The following GRM5 variants were observed in gnomAD, a reference collection of about 807,000 sequenced individuals.
GRM5 encodes the protein metabotropic glutamate receptor 5.
A neutral mutation model predicts 83.1 loss-of-function variants in GRM5; 19 were observed. The observed-to-expected ratio is 0.23, with a 90% CI of 0.16 to 0.34. The LOEUF (loss-of-function observed/expected upper bound fraction) is 0.34. Among genes scored for constraint, GRM5 ranks in the 10% least tolerant of loss-of-function variants. The pLI is 1.00. For synonymous variants in GRM5, 675 were observed against 633.6 expected (o/e 1.07, Z -0.98); for missense variants, 1,160 against 1,588.3 (o/e 0.73, Z 4.58).
chr11:89,020,008 A>G (rs574702834), intron 2 of GRM5, among the ~76,000 whole-genome samples: 1 of 152,264 alleles, frequency 6.6e-6, no homozygotes, highest in South Asian at 2.1e-4. Context: ...ACAGTGCAAA[A>G]TCTGGGCAGG....
At chr11:89,053,773 G>A (rs1473392900) in intron 1 of GRM5, among the ~76,000 whole-genome samples, 1 of 151,696 alleles carries the variant, frequency 6.6e-6, no homozygotes, top group Non-Finnish European at 1.5e-5. Flanking sequence ...AGCATAAACT[G>A]AAAAAATAAC....
chr11:88,986,505 A>G (rs763010782), intron 2 of GRM5, among the ~76,000 whole-genome samples: 47 of 151,950 alleles, frequency 3.1e-4, no homozygotes, highest in Non-Finnish European at 5.6e-4. Flanking sequence ...AGTCTTTGGG[A>G]AAAAATGTTT....
chr11:88,618,278 C>A (rs537933098), intron 4 of GRM5, among the ~76,000 whole-genome samples: 2 of 152,224 alleles, frequency 1.3e-5, no homozygotes, highest in African/African-American at 4.8e-5. Flanking sequence ...TTTGAAACGT[C>A]CAGAATATGG....
At chr11:88,565,231 A>G (rs1352253725) in intron 8 of GRM5, among the ~76,000 whole-genome samples, 1 of 152,256 alleles carries the variant, frequency 6.6e-6, no homozygotes, top group African/African-American at 2.4e-5. Flanking sequence ...CTCCAGCACT[A>G]TACTGTGCTA....
chr11:88,785,756 A>C (rs1943056934), intron 3 of GRM5, among the ~76,000 whole-genome samples: 1 of 152,096 alleles, frequency 6.6e-6, no homozygotes. Flanking sequence ...CTATAATTAA[A>C]GAAGTTAAGA....
intron 2 of GRM5, among the ~76,000 whole-genome samples, chr11:88,927,749 A>T (rs1945814618): frequency 6.6e-6 from 1 of 152,042 alleles, no homozygotes; most frequent in Non-Finnish European, 1.5e-5. Context: ...TTAAGTTTCT[A>T]TTTTCTCTTG....
At chr11:88,942,604 A>C (rs146818350) in intron 2 of GRM5, among the ~76,000 whole-genome samples, 2 of 152,102 alleles carry the variant, frequency 1.3e-5, no homozygotes, top group African/African-American at 4.8e-5. Context: ...AGCCTCTCAC[A>C]CAAGAATACT....
intron 2 of GRM5, among the ~76,000 whole-genome samples, chr11:88,881,331 A>T (rs1944950508): frequency 6.6e-6 from 1 of 151,998 alleles, no homozygotes. Flanking sequence ...CCTAAAAAAA[A>T]AAAAACTGTC....
chr11:88,755,058 A>T (rs1242738176), intron 3 of GRM5, among the ~76,000 whole-genome samples: 1 of 152,188 alleles, frequency 6.6e-6, no homozygotes, highest in South Asian at 2.1e-4. Flanking sequence ...GAAATATTAT[A>T]TTGAAGAACA....
intron 2 of GRM5, among the ~76,000 whole-genome samples, chr11:88,871,171 A>G (rs959580702): frequency 1.1e-4 from 16 of 151,704 alleles, no homozygotes; most frequent in African/African-American, 3.4e-4. Flanking sequence ...ATGAATGTTC[A>G]AAACAACCCA....
At chr11:88,559,432 C>G (rs1020751729) in intron 8 of GRM5, among the ~76,000 whole-genome samples, 3 of 152,174 alleles carry the variant, frequency 2.0e-5, no homozygotes, top group Admixed American at 6.5e-5. Context: ...TCCTCTTCTA[C>G]TTACTATCTG....
chr11:88,778,069 T>A (rs911563531), intron 3 of GRM5, among the ~76,000 whole-genome samples: 3 of 150,776 alleles, frequency 2.0e-5, no homozygotes, highest in Admixed American at 2.0e-4. Flanking sequence ...CGAGATGGAG[T>A]CTAGAGGCAG....
chr11:88,738,006 A>G (rs1351725969), intron 3 of GRM5, among the ~76,000 whole-genome samples: 2 of 152,020 alleles, frequency 1.3e-5, no homozygotes, highest in Non-Finnish European at 2.9e-5. Flanking sequence ...GAATAAAGAC[A>G]GTTGTGAAAT....
intron 2 of GRM5, among the ~76,000 whole-genome samples, chr11:88,895,514 G>A (rs1004658300): frequency 7.9e-5 from 12 of 151,706 alleles, no homozygotes; most frequent in Non-Finnish European, 5.9e-5. Flanking sequence ...CACAATCAAC[G>A]ATGAGTATTA....
At chr11:88,745,079 A>C (rs1274332194) in intron 3 of GRM5, among the ~76,000 whole-genome samples, 1 of 152,122 alleles carries the variant, frequency 6.6e-6, no homozygotes, top group East Asian at 1.9e-4. Flanking sequence ...AAGTGACTTC[A>C]CAAGTTATAT....
At chr11:88,641,912 G>T (rs562796405) in intron 4 of GRM5, among the ~76,000 whole-genome samples, 7 of 152,272 alleles carry the variant, frequency 4.6e-5, no homozygotes, top group African/African-American at 1.7e-4. Flanking sequence ...CCATTCTGGG[G>T]TCTGGATGAT....
chr11:88,947,537 T>G (rs971908427), intron 2 of GRM5, among the ~76,000 whole-genome samples: 2 of 152,046 alleles, frequency 1.3e-5, no homozygotes, highest in Non-Finnish European at 2.9e-5. Flanking sequence ...ATTGTTAGTT[T>G]TTTTTTTTTC....
chr11:88,919,237 G>GATATATATATATATATATATATATATAT (rs1310347767), intron 2 of GRM5, among the ~76,000 whole-genome samples: 5 of 7,406 alleles, frequency 6.8e-4, no homozygotes, highest in East Asian at 7.7e-3. Context: ...AGCAGGAGTA[G>GATATATATATATATATATATATATATAT]CTATATATAT....
chr11:88,528,642 C>T (rs905041307), intron 8 of GRM5, among the ~76,000 whole-genome samples: 2 of 151,698 alleles, frequency 1.3e-5, no homozygotes, highest in Admixed American at 6.6e-5. Flanking sequence ...CACCCATACA[C>T]TCATACTTGT....
Sources: gnomAD v4.1 joint callset for allele counts (sites outside exome capture counted in the v4.1 genomes callset) on GRCh38, gnomAD v4.1.1 for gene constraint, MANE v1.5 for transcripts, NCBI Gene and HGNC (gene_info 2026-07-23, HGNC 2026-07-21) for gene names.